Variants in TCF7L1 observed in about 807,000 individuals in gnomAD.
The protein encoded by TCF7L1 is transcription factor 7 like 1, also known as transcription factor 7-like 1.
A neutral mutation model predicts 63.7 loss-of-function variants in TCF7L1; 18 were observed. The observed-to-expected ratio is 0.28, with a 90% CI of 0.20 to 0.42. The LOEUF is 0.42. TCF7L1 is among the 10% of genes least tolerant of loss of function. The pLI, the probability that TCF7L1 is intolerant of heterozygous loss-of-function variation, is 1.00. For synonymous variants in TCF7L1, 355 were observed against 340.9 expected (o/e 1.04, Z -0.46); for missense variants, 654 against 779.3 (o/e 0.84, Z 1.91).
At chr2:85,188,981 T>A (rs1323359902) in intron 3 of TCF7L1, among the ~76,000 whole-genome samples, 1 of 152,200 alleles carries the variant, frequency 6.6e-6, no homozygotes, top group Admixed American at 6.5e-5. Flanking sequence ...AATTATCTTT[T>A]TGGGGGGGTG....
chr2:85,173,652 A>C (rs1324713788), intron 3 of TCF7L1, among the ~76,000 whole-genome samples: 1 of 152,164 alleles, frequency 6.6e-6, no homozygotes, highest in African/African-American at 2.4e-5. Context: ...CCTCCTGAGC[A>C]GTTGGAACTA....
intron 3 of TCF7L1, among the ~76,000 whole-genome samples, chr2:85,200,217 G>A (rs953960175): frequency 3.3e-5 from 5 of 152,128 alleles, no homozygotes; most frequent in African/African-American, 7.2e-5. Context: ...GAGCATTCTT[G>A]TACAGGTTTT....
At chr2:85,256,413 G>T (rs921284412) in intron 3 of TCF7L1, among the ~76,000 whole-genome samples, 1 of 152,174 alleles carries the variant, frequency 6.6e-6, no homozygotes, top group African/African-American at 2.4e-5. Context: ...GGAAGGGAAT[G>T]GGCAGAAGAG....
At chr2:85,223,985 T>A (rs528470672) in intron 3 of TCF7L1, among the ~76,000 whole-genome samples, 2 of 152,320 alleles carry the variant, frequency 1.3e-5, no homozygotes, top group East Asian at 3.9e-4. Flanking sequence ...CCTCTCCCTG[T>A]GTCCATGTGT....
At chr2:85,158,471 G>A (rs1285899469) in intron 3 of TCF7L1, among the ~76,000 whole-genome samples, 2 of 152,184 alleles carry the variant, frequency 1.3e-5, no homozygotes, top group African/African-American at 4.8e-5. Context: ...GTCTTGGGGT[G>A]ATATGAGCCT....
At chr2:85,218,236 T>TTTTATTTATTTATTTATTTATTTA (rs139892042) in intron 3 of TCF7L1, among the ~76,000 whole-genome samples, 4 of 149,340 alleles carry the variant, frequency 2.7e-5, no homozygotes, top group African/African-American at 1.0e-4. Flanking sequence ...ACTTTACTTA[T>TTTTATTTATTTATTTATTTATTTA]TTTATTTATT....
At chr2:85,253,626 G>A (rs562522760) in intron 3 of TCF7L1, among the ~76,000 whole-genome samples, 1 of 152,322 alleles carries the variant, frequency 6.6e-6, no homozygotes, top group South Asian at 2.1e-4. Context: ...GCAGGGAAAG[G>A]TTAGTGTCAC....
At chr2:85,249,833 C>T (rs1558646092) in intron 3 of TCF7L1, among the ~76,000 whole-genome samples, 1 of 152,186 alleles carries the variant, frequency 6.6e-6, no homozygotes, top group Non-Finnish European at 1.5e-5. Context: ...TCATCAGTTG[C>T]AGCCATGAGC....
At chr2:85,172,868 T>C (rs1414044721) in intron 3 of TCF7L1, among the ~76,000 whole-genome samples, 1 of 152,042 alleles carries the variant, frequency 6.6e-6, no homozygotes, top group Non-Finnish European at 1.5e-5. Context: ...TCCAGCCCTC[T>C]TCACCCCTCT....
chr2:85,280,811 C>T, intron 3 of TCF7L1, among the ~76,000 whole-genome samples: 1 of 152,052 alleles, frequency 6.6e-6, no homozygotes, highest in East Asian at 1.9e-4. Flanking sequence ...GGTGGCCAGC[C>T]CCGTGCAAGA....
At chr2:85,201,699 C>T (rs567083684) in intron 3 of TCF7L1, among the ~76,000 whole-genome samples, 435 of 152,250 alleles carry the variant, frequency 2.9e-3, no homozygotes, top group Non-Finnish European at 4.5e-3. Flanking sequence ...AAAATGGCTA[C>T]ACCATTTTAC....
At chr2:85,286,696 C>T (rs370581162) in intron 4 of TCF7L1, among the ~76,000 whole-genome samples, 33 of 152,088 alleles carry the variant, frequency 2.2e-4, no homozygotes, top group African/African-American at 7.5e-4. Flanking sequence ...GGTTTCTCCA[C>T]GTTGGTCAGA....
At chr2:85,259,017 C>T (rs1680791414) in intron 3 of TCF7L1, among the ~76,000 whole-genome samples, 2 of 152,316 alleles carry the variant, frequency 1.3e-5, no homozygotes, top group South Asian at 4.1e-4. Flanking sequence ...GTAATACCCC[C>T]ACACTCGGTG....
At chr2:85,258,618 C>T (rs1028779695) in intron 3 of TCF7L1, among the ~76,000 whole-genome samples, 4 of 152,140 alleles carry the variant, frequency 2.6e-5, no homozygotes, top group Admixed American at 1.3e-4. Context: ...CTGGCCTTTT[C>T]GTAGCATTCA....
intron 5 of TCF7L1, among the ~76,000 whole-genome samples, chr2:85,302,823 G>A (rs139212119): frequency 4.1e-4 from 63 of 151,954 alleles, no homozygotes; most frequent in African/African-American, 1.3e-3. Flanking sequence ...ATAGGGTCAC[G>A]ATAAGGCCCA....
chr2:85,172,573 G>C (rs1003080861), intron 3 of TCF7L1, among the ~76,000 whole-genome samples: 1 of 152,078 alleles, frequency 6.6e-6, no homozygotes, highest in African/African-American at 2.4e-5. Flanking sequence ...ATTATAGGCA[G>C]GTGCCACCAC....
chr2:85,168,333 A>G (rs1218114154), intron 3 of TCF7L1, among the ~76,000 whole-genome samples: 1 of 152,168 alleles, frequency 6.6e-6, no homozygotes, highest in African/African-American at 2.4e-5. Flanking sequence ...ATCTATATTA[A>G]ATATGTGCAG....
intron 4 of TCF7L1, among the ~76,000 whole-genome samples, chr2:85,289,094 C>A (rs56254758): frequency 0.1 from 15,809 of 152,134 alleles, 1,123 homozygotes; most frequent in Non-Finnish European, 0.15. Flanking sequence ...TTTAAAAAAT[C>A]TTTTTTTGAA....
At chr2:85,158,792 G>A (rs1230685252) in intron 3 of TCF7L1, among the ~76,000 whole-genome samples, 2 of 152,190 alleles carry the variant, frequency 1.3e-5, no homozygotes, top group East Asian at 1.9e-4. Context: ...GTTGAAGGCC[G>A]GCCCTTTGGA....
Sources: gnomAD v4.1 joint callset for allele counts (sites outside exome capture counted in the v4.1 genomes callset) on GRCh38, gnomAD v4.1.1 for gene constraint, MANE v1.5 for transcripts, NCBI Gene and HGNC (gene_info 2026-07-23, HGNC 2026-07-21) for gene names.